The following CCDC88C variants were observed in gnomAD, a reference collection of about 807,000 sequenced individuals.
The protein encoded by CCDC88C is protein Daple.
A neutral mutation model predicts 198.8 loss-of-function variants in CCDC88C; 131 were observed. The observed-to-expected ratio is 0.66, with a 90% CI of 0.57 to 0.76. CCDC88C has a LOEUF of 0.76. Ranked by LOEUF, CCDC88C falls within the 30% of genes least tolerant of loss-of-function variation. The pLI is 0.00. For missense variants in CCDC88C, 2,553 were observed against 2,631.6 expected (o/e 0.97, Z 0.65); for synonymous variants, 1,166 against 1,114.7 (o/e 1.05, Z -0.92).
chr14:91,319,446 G>A (rs1009888091), intron 13 of CCDC88C, among the ~76,000 whole-genome samples: 1 of 152,176 alleles, frequency 6.6e-6, no homozygotes, highest in Non-Finnish European at 1.5e-5. Context: ...TAAACCCAGG[G>A]GAGGGAGAAA....
At chr14:91,317,627 CAGGGCAGGCCA>C in intron 13 of CCDC88C, among the ~76,000 whole-genome samples, 1 of 152,316 alleles carries the variant, frequency 6.6e-6, no homozygotes, top group Middle Eastern at 3.4e-3. Context: ...CAGCCAGGCT[CAGGGCAGGCCA>C]AGGACGAGAG....
chr14:91,347,600 C>G (rs1216090475), intron 4 of CCDC88C, among the ~76,000 whole-genome samples: 1 of 152,204 alleles, frequency 6.6e-6, no homozygotes, highest in East Asian at 1.9e-4. Context: ...CCATCACTGG[C>G]CATCAGAGAA....
chr14:91,377,055 C>G (rs1229423938), intron 3 of CCDC88C, among the ~76,000 whole-genome samples: 3 of 145,666 alleles, frequency 2.1e-5, no homozygotes, highest in Non-Finnish European at 4.5e-5. Flanking sequence ...AGACACTGGT[C>G]TTGAAGAAAG....
intron 3 of CCDC88C, among the ~76,000 whole-genome samples, chr14:91,383,185 T>C (rs73340416): frequency 0.052 from 7,945 of 152,308 alleles, 440 homozygotes; most frequent in African/African-American, 0.15. Context: ...CTGGGGAAGC[T>C]GCTTCTCAAA....
chr14:91,350,379 C>A (rs1893734976), intron 4 of CCDC88C, among the ~76,000 whole-genome samples: 2 of 152,180 alleles, frequency 1.3e-5, no homozygotes, highest in South Asian at 4.1e-4. Flanking sequence ...CCAGGCTGGT[C>A]TTGAGCTCCT....
intron 3 of CCDC88C, among the ~76,000 whole-genome samples, chr14:91,374,519 C>A (rs755357409): frequency 2.0e-5 from 3 of 152,114 alleles, no homozygotes; most frequent in Non-Finnish European, 4.4e-5. Flanking sequence ...CTCGATGAAT[C>A]GTCAGCTGAA....
chr14:91,363,361 T>A (rs937104973), intron 3 of CCDC88C, among the ~76,000 whole-genome samples: 1 of 151,808 alleles, frequency 6.6e-6, no homozygotes, highest in Non-Finnish European at 1.5e-5. Flanking sequence ...TACCCCCACC[T>A]CGGCCTTCCA....
intron 23 of CCDC88C, 22 bp downstream of exon 23, chr14:91,294,151 G>T (rs776408722): frequency 6.8e-6 from 11 of 1,612,978 alleles, no homozygotes; most frequent in Non-Finnish European, 8.5e-6. Flanking sequence ...TGCGGAGAGG[G>T]GTTCAGGGAC....
Position 91,392,071 on chromosome 14 carries a change from T to C in CCDC88C, c.270+16588A>G, listed in dbSNP as rs544778647. ...CTCCCTGGCTCCATTTGGCTGTTCC[T>C]GACTCTCTAGTGCCTCTGGGGCCTC... On this transcript the variant is annotated intron_variant, in intron 3 of 29. Transcript: ENST00000389857. 4.6e-5 allele frequency among the ~76,000 whole-genome samples: 7 copies of C among 152,230 alleles called. No homozygotes were observed. In the East Asian group the frequency reaches 1.2e-3, roughly 25 times the overall value.
At chr14:91,406,912 C>CCT (rs1216055265) in intron 3 of CCDC88C, among the ~76,000 whole-genome samples, 1 of 152,228 alleles carries the variant, frequency 6.6e-6, no homozygotes. Context: ...GCCCTCCAGG[C>CCT]CTCTCCCTGA....
chr14:91,321,358 CT>C, intron 12 of CCDC88C, 54 bp from the exon 13 acceptor site: 1 of 1,521,344 alleles, frequency 6.6e-7, no homozygotes, highest in South Asian at 1.2e-5. Flanking sequence ...CACTTCCACT[CT>C]CTGCCCCAAG....
intron 19 of CCDC88C, 48 bp from the exon 20 acceptor site, chr14:91,304,026 A>G: frequency 6.3e-7 from 1 of 1,575,954 alleles, no homozygotes; most frequent in East Asian, 2.3e-5. Context: ...ACAGTCAGCG[A>G]GGAGGGCTGG....
At chr14:91,343,505 C>G (rs1339078051) in intron 5 of CCDC88C, 94 bp downstream of exon 5, 16 of 1,554,228 alleles carry the variant, frequency 1.0e-5, no homozygotes, top group African/African-American at 1.4e-5. Flanking sequence ...AAGGAGCATC[C>G]TCCCACCTAA....
intron 3 of CCDC88C, among the ~76,000 whole-genome samples, chr14:91,394,640 C>G (rs527675875): frequency 6.6e-6 from 1 of 152,322 alleles, no homozygotes; most frequent in African/African-American, 2.4e-5. Context: ...CATTTCCATG[C>G]TGGTGTGACA....
At chr14:91,351,364 ACACT>A (rs879720751) in intron 4 of CCDC88C, among the ~76,000 whole-genome samples, 2 of 152,086 alleles carry the variant, frequency 1.3e-5, no homozygotes, top group Non-Finnish European at 2.9e-5. Flanking sequence ...GCACACCCCA[ACACT>A]CACTCACATG....
intron 3 of CCDC88C, among the ~76,000 whole-genome samples, chr14:91,388,627 A>C (rs1363218072): frequency 6.6e-6 from 1 of 152,262 alleles, no homozygotes; most frequent in Non-Finnish European, 1.5e-5. Flanking sequence ...TGTATAAACA[A>C]GAAACACACA....
chr14:91,331,358 G>A (rs1240933229), intron 10 of CCDC88C, among the ~76,000 whole-genome samples: 1 of 152,202 alleles, frequency 6.6e-6, no homozygotes, highest in Admixed American at 6.5e-5. Context: ...TGAGACCTCT[G>A]AGAGCTGCAG....
chr14:91,280,700 C>T (rs547814613), intron 27 of CCDC88C, among the ~76,000 whole-genome samples: 65 of 152,228 alleles, frequency 4.3e-4, no homozygotes, highest in African/African-American at 1.5e-3. Context: ...ACCCAGCACA[C>T]GAGGCAGATT....
intron 29 of CCDC88C, among the ~76,000 whole-genome samples, chr14:91,274,062 G>A (rs992894990): frequency 1.1e-4 from 16 of 151,944 alleles, no homozygotes; most frequent in Admixed American, 9.2e-4. Context: ...TTCCTTCCCC[G>A]GTCACCCCGG....
Sources: gnomAD v4.1 joint callset for allele counts (sites outside exome capture counted in the v4.1 genomes callset) on GRCh38, gnomAD v4.1.1 for gene constraint, MANE v1.5 for transcripts, NCBI Gene and HGNC (gene_info 2026-07-23, HGNC 2026-07-21) for gene names.